Variants in CACNA1A observed in about 807,000 individuals in gnomAD.
The protein encoded by CACNA1A is calcium voltage-gated channel subunit alpha1 A.
In CACNA1A, 57 loss-of-function variants were observed where a neutral mutation model predicts 262.4. That is an observed-to-expected ratio of 0.22 (90% CI 0.18 to 0.27). The LOEUF is 0.27. CACNA1A is among the 10% of genes least tolerant of loss of function. CACNA1A has a pLI of 1.00. For synonymous variants in CACNA1A, 1,431 were observed against 1,419.3 expected, an observed-to-expected ratio of 1.01 and a Z score of -0.18; for missense variants, 2,526 against 3,562.8, an observed-to-expected ratio of 0.71 and a Z score of 7.41.
At chr19:13,419,832 T>C (rs999321409) in intron 3 of CACNA1A, among the ~76,000 whole-genome samples, 3 of 152,140 alleles carry the variant, frequency 2.0e-5, no homozygotes. Flanking sequence ...ATGCCTGTAA[T>C]CCCAGCACTT....
intron 3 of CACNA1A, among the ~76,000 whole-genome samples, chr19:13,400,193 C>G (rs2059875324): frequency 6.6e-6 from 1 of 152,142 alleles, no homozygotes; most frequent in African/African-American, 2.4e-5. Flanking sequence ...CACACTTGAA[C>G]AGGTGTGTGT....
chr19:13,385,289 G>A (rs1359141756), intron 3 of CACNA1A, among the ~76,000 whole-genome samples: 3 of 150,052 alleles, frequency 2.0e-5, no homozygotes, highest in Non-Finnish European at 4.4e-5. Context: ...GAGTGCAGTG[G>A]CACGATCTCG....
chr19:13,311,823 C>T (rs537426738), intron 12 of CACNA1A, among the ~76,000 whole-genome samples: 14 of 151,540 alleles, frequency 9.2e-5, no homozygotes, highest in African/African-American at 2.7e-4. Flanking sequence ...GGTGACAGAA[C>T]GAGACTCCAT....
intron 3 of CACNA1A, among the ~76,000 whole-genome samples, chr19:13,398,045 T>C (rs2059838731): frequency 6.6e-6 from 1 of 152,052 alleles, no homozygotes; most frequent in Non-Finnish European, 1.5e-5. Context: ...GTGGGTCACC[T>C]GAGGTCAGGA....
chr19:13,361,101 A>AT (rs914738163), intron 5 of CACNA1A, among the ~76,000 whole-genome samples: 2 of 151,848 alleles, frequency 1.3e-5, no homozygotes, highest in Non-Finnish European at 2.9e-5. Flanking sequence ...AGCCTTGCTG[A>AT]TTTTTTTCTT....
At chr19:13,293,897 C>T (rs1394182367) in intron 19 of CACNA1A, among the ~76,000 whole-genome samples, 1 of 152,030 alleles carries the variant, frequency 6.6e-6, no homozygotes, top group Non-Finnish European at 1.5e-5. Flanking sequence ...TGACTGCCTG[C>T]CCCAAAGTCC....
intron 37 of CACNA1A, 176 bp from the exon 38 acceptor site, chr19:13,224,948 G>A: frequency 1.8e-6 from 1 of 558,736 alleles, no homozygotes. Flanking sequence ...GTGGCCCGCA[G>A]GGAGGGCACA....
chr19:13,266,215 C>CTTT (rs561024736), intron 24 of CACNA1A, among the ~76,000 whole-genome samples: 2 of 150,312 alleles, frequency 1.3e-5, no homozygotes, highest in African/African-American at 2.5e-5. Context: ...ATATAGTTTC[C>CTTT]TTTTTTTTTA....
chr19:13,424,198 A>G (rs2060362359), intron 3 of CACNA1A, among the ~76,000 whole-genome samples: 1 of 150,580 alleles, frequency 6.6e-6, no homozygotes, highest in Admixed American at 6.6e-5. Context: ...AAAATACAAA[A>G]CAAACAAACA....
At chr19:13,242,333 G>A (rs1336690127) in intron 31 of CACNA1A, among the ~76,000 whole-genome samples, 7 of 151,776 alleles carry the variant, frequency 4.6e-5, no homozygotes, top group African/African-American at 1.2e-4. Flanking sequence ...TCACTCTGTC[G>A]CCCAGGCTGG....
intron 40 of CACNA1A, chr19:13,213,941 C>T (rs1483553256): frequency 8.6e-6 from 3 of 349,200 alleles, no homozygotes; most frequent in Non-Finnish European, 1.6e-5. Flanking sequence ...CCATCTTGGC[C>T]TCCTAAATAG....
chr19:13,410,825 T>C (rs544391385), intron 3 of CACNA1A, among the ~76,000 whole-genome samples: 7 of 152,176 alleles, frequency 4.6e-5, no homozygotes, highest in Non-Finnish European at 8.8e-5. Flanking sequence ...ATACTTGAAA[T>C]GGCTTAGCAC....
rs747048875 is a variant in CACNA1A at position 13,207,280 on chromosome 19, TG to T, written c.*32del. ...GGGTGGGGTGTGTGCGTGGGGTGCG[TG>T]GGGGGCCGGGCGGGCGCCACCTCGC... is the stretch of plus-strand genomic sequence containing the variant. On this transcript the variant is annotated 3_prime_UTR_variant, in exon 47 of 47. Transcript: ENST00000360228. The surrounding 1 kb of genome is among the most constrained non-coding windows in gnomAD (Gnocchi z 5.7). 7 of 1,521,614 alleles carry T rather than the reference TG, an allele frequency of 4.6e-6. No homozygotes were observed. Among genetic ancestry groups the T allele is most frequent in the Middle Eastern group, 1.7e-4 (1 of 5,722 alleles). The allele number at this position is 1,521,614 out of a possible 1,614,324, so 94.3% of individuals were successfully genotyped here. A position where few individuals can be genotyped will look rare whatever the true frequency, so the allele number is the denominator to read the frequency against.
At chr19:13,454,858 C>T (rs1209505054) in intron 2 of CACNA1A, among the ~76,000 whole-genome samples, 2 of 152,028 alleles carry the variant, frequency 1.3e-5, no homozygotes, top group East Asian at 1.9e-4. Flanking sequence ...ACTCAGGAGG[C>T]TGCAGTGGGA....
At chr19:13,326,664 C>G (rs2058368757) in intron 10 of CACNA1A, among the ~76,000 whole-genome samples, 1 of 151,640 alleles carries the variant, frequency 6.6e-6, no homozygotes, top group Non-Finnish European at 1.5e-5. Flanking sequence ...CAGTGTACAC[C>G]TATAGTCCCA....
chr19:13,415,981 A>G (rs2060214641), intron 3 of CACNA1A, among the ~76,000 whole-genome samples: 1 of 152,062 alleles, frequency 6.6e-6, no homozygotes, highest in Non-Finnish European at 1.5e-5. Context: ...TCTCTGATGA[A>G]GCTTCCTACG....
intron 5 of CACNA1A, chr19:13,363,387 A>G (rs1285652620): frequency 6.6e-6 from 1 of 151,944 alleles, no homozygotes; most frequent in African/African-American, 2.4e-5. Flanking sequence ...GCTCTGCCTC[A>G]ATTAACACCT....
intron 6 of CACNA1A, among the ~76,000 whole-genome samples, chr19:13,338,196 C>A (rs1319072940): frequency 6.6e-6 from 1 of 151,888 alleles, no homozygotes; most frequent in Non-Finnish European, 1.5e-5. Context: ...GCCTGGGCAA[C>A]AGAGCGAGAC....
chr19:13,407,739 C>G (rs1332120963), intron 3 of CACNA1A, among the ~76,000 whole-genome samples: 1 of 152,176 alleles, frequency 6.6e-6, no homozygotes, highest in Non-Finnish European at 1.5e-5. Context: ...GTCTGTAATC[C>G]TAGCACTTTG....
Sources: allele counts gnomAD v4.1 joint callset (sites outside exome capture counted in the v4.1 genomes callset), GRCh38; gene constraint gnomAD v4.1.1; non-coding constraint Gnocchi (gnomAD v3.1); transcripts MANE v1.5; gene names NCBI Gene and HGNC (gene_info 2026-07-23, HGNC 2026-07-21).